PCCA: variants seen among roughly 807,000 people sequenced by gnomAD.
The protein encoded by PCCA is propionyl-CoA carboxylase subunit alpha.
In PCCA, 74 loss-of-function variants were observed where a neutral mutation model predicts 101.3. The observed-to-expected ratio is 0.73, with a 90% CI of 0.61 to 0.89. The LOEUF (loss-of-function observed/expected upper bound fraction) is 0.89, where lower values mean the gene tolerates loss of function less well. Among genes scored for constraint, PCCA ranks in the 40% least tolerant of loss-of-function variants. The pLI is 0.00. For missense variants in PCCA, 891 were observed against 907.0 expected (o/e 0.98, Z 0.23); for synonymous variants, 294 against 313.6 (o/e 0.94, Z 0.66).
intron 19 of PCCA, among the ~76,000 whole-genome samples, chr13:100,422,106 C>CTTTCTTCCTTTCT (rs1567109382): frequency 1.7e-5 from 2 of 119,970 alleles, no homozygotes; most frequent in Non-Finnish European, 3.5e-5. Context: ...TTCTTTCTTT[C>CTTTCTTCCTTTCT]TTTCTTTCTT....
At chr13:100,158,238 A>G (rs774187836) in intron 6 of PCCA, among the ~76,000 whole-genome samples, 9 of 152,254 alleles carry the variant, frequency 5.9e-5, no homozygotes. Context: ...ACAGTATTAG[A>G]ATCTATGGAA....
intron 12 of PCCA, among the ~76,000 whole-genome samples, chr13:100,292,926 T>G (rs1269954259): frequency 1.4e-5 from 2 of 140,634 alleles, no homozygotes; most frequent in South Asian, 5.2e-4. Flanking sequence ...AATACACCTT[T>G]CCAAATTCGT....
intron 5 of PCCA, among the ~76,000 whole-genome samples, chr13:100,156,122 C>T (rs892781621): frequency 4.6e-5 from 7 of 152,086 alleles, no homozygotes; most frequent in African/African-American, 1.7e-4. Flanking sequence ...GGCCAGAGTG[C>T]GATGGCGTGA....
chr13:100,226,080 T>C (rs898120057), intron 7 of PCCA, among the ~76,000 whole-genome samples: 2 of 152,182 alleles, frequency 1.3e-5, no homozygotes, highest in African/African-American at 4.8e-5. Flanking sequence ...CATGAGCCAC[T>C]GTGCCCGGCC....
intron 17 of PCCA, among the ~76,000 whole-genome samples, chr13:100,335,817 C>A (rs2070358925): frequency 6.6e-6 from 1 of 152,190 alleles, no homozygotes; most frequent in African/African-American, 2.4e-5. Context: ...CTTGAAAAAT[C>A]TAACCCCCTG....
intron 8 of PCCA, chr13:100,237,467 T>C (rs1469303774): frequency 6.6e-6 from 1 of 152,180 alleles, no homozygotes; most frequent in African/African-American, 2.4e-5. Flanking sequence ...GAACATTTGC[T>C]CGACTGCTAA....
At chr13:100,438,941 A>C (rs1291579789) in intron 20 of PCCA, among the ~76,000 whole-genome samples, 1 of 152,230 alleles carries the variant, frequency 6.6e-6, no homozygotes, top group Non-Finnish European at 1.5e-5. Context: ...ACAGTATCTT[A>C]AACAATGGAA....
intron 21 of PCCA, among the ~76,000 whole-genome samples, chr13:100,469,922 G>A (rs1291153202): frequency 1.3e-5 from 2 of 152,184 alleles, no homozygotes; most frequent in African/African-American, 2.4e-5. Context: ...TGCATGTAAT[G>A]GGATCTTATG....
intron 7 of PCCA, among the ~76,000 whole-genome samples, chr13:100,221,451 T>C (rs2059803116): frequency 6.6e-6 from 1 of 152,198 alleles, no homozygotes; most frequent in South Asian, 2.1e-4. Flanking sequence ...GTTCAACAGG[T>C]TATTTTGGTT....
At chr13:100,179,149 A>G (rs2056543127) in intron 6 of PCCA, among the ~76,000 whole-genome samples, 1 of 151,348 alleles carries the variant, frequency 6.6e-6, no homozygotes, top group South Asian at 2.1e-4. Flanking sequence ...CTTGAATTTT[A>G]TAGAATAATA....
At chr13:100,516,524 T>C (rs1566495080) in intron 22 of PCCA, among the ~76,000 whole-genome samples, 4 of 152,218 alleles carry the variant, frequency 2.6e-5, no homozygotes, top group Non-Finnish European at 5.9e-5. Context: ...GCCCTGAAAC[T>C]AATATGCGAA....
intron 21 of PCCA, among the ~76,000 whole-genome samples, chr13:100,494,607 C>T (rs837320): frequency 0.01 from 1,548 of 151,200 alleles, 25 homozygotes; most frequent in African/African-American, 0.036. Flanking sequence ...GGGTTTAACC[C>T]GGGAGGCGGA....
At chr13:100,144,171 T>A (rs2052251916) in intron 4 of PCCA, among the ~76,000 whole-genome samples, 2 of 152,164 alleles carry the variant, frequency 1.3e-5, no homozygotes, top group Non-Finnish European at 2.9e-5. Context: ...TTACCTTCAA[T>A]GTCTGGGAGC....
At chr13:100,444,524 G>A (rs1271335234) in intron 20 of PCCA, among the ~76,000 whole-genome samples, 1 of 130,540 alleles carries the variant, frequency 7.7e-6, no homozygotes, top group Non-Finnish European at 1.5e-5. Flanking sequence ...CTCACTGCAA[G>A]CTCTGCCTCC....
chr13:100,127,688 C>A (rs57838783), intron 4 of PCCA, among the ~76,000 whole-genome samples: 4 of 151,344 alleles, frequency 2.6e-5, no homozygotes, highest in Non-Finnish European at 5.9e-5. Flanking sequence ...GTCAGGAGAT[C>A]GAGACCATCC....
At chr13:100,244,962 T>TGTGC (rs149063470) in intron 8 of PCCA, among the ~76,000 whole-genome samples, 24,847 of 143,112 alleles carry the variant, frequency 0.17, 2,558 homozygotes, top group African/African-American at 0.3. Context: ...TGTGTGTGTG[T>TGTGC]GTGCGCAGTA....
intron 21 of PCCA, chr13:100,473,345 G>A (rs2083168387): frequency 6.6e-6 from 1 of 152,176 alleles, no homozygotes; most frequent in African/African-American, 2.4e-5. Flanking sequence ...CCCAAACGAT[G>A]TCAAACTACA....
intron 20 of PCCA, among the ~76,000 whole-genome samples, chr13:100,431,689 AC>A (rs1232477483): frequency 6.6e-6 from 1 of 151,612 alleles, no homozygotes. Flanking sequence ...ACACAGTGAA[AC>A]CCCATCTCCA....
chr13:100,263,049 C>A (rs79153969), intron 10 of PCCA, among the ~76,000 whole-genome samples: 1 of 152,124 alleles, frequency 6.6e-6, no homozygotes, highest in South Asian at 2.1e-4. Context: ...AGGCTAATCT[C>A]CTTCCAAGAC....
Sources: allele counts gnomAD v4.1 joint callset (sites outside exome capture counted in the v4.1 genomes callset), GRCh38; gene constraint gnomAD v4.1.1; transcripts MANE v1.5; gene names NCBI Gene and HGNC (gene_info 2026-07-23, HGNC 2026-07-21).